The following OR2L13 variants were observed in gnomAD, a reference collection of about 807,000 sequenced individuals.
OR2L13 encodes the protein olfactory receptor family 2 subfamily L member 13.
A neutral mutation model predicts 15.3 loss-of-function variants in OR2L13; 14 were observed. The ratio of observed to expected loss-of-function variants is 0.91; its 90% CI spans 0.60 to 1.43. OR2L13 has a LOEUF of 1.43. OR2L13 is among the 40% of genes most tolerant of loss of function. The pLI is 0.00. For synonymous variants in OR2L13, 152 were observed against 142.9 expected, an observed-to-expected ratio of 1.06 and a Z score of -0.45; for missense variants, 367 against 387.9, an observed-to-expected ratio of 0.95 and a Z score of 0.45.
At chr1:247,993,755 GA>G in the OR2L13 span, among the ~76,000 whole-genome samples, 2 of 51,916 alleles carry the variant, frequency 3.9e-5, no homozygotes, top group East Asian at 7.1e-4. Context: ...AAGAGACAGA[GA>G]GAGGGGGAGA....
the OR2L13 span, chr1:247,975,023 G>T: frequency 1.8e-4 from 58 of 318,282 alleles, no homozygotes; most frequent in African/African-American, 1.1e-3. Flanking sequence ...TTCCTTCATT[G>T]GGTGTGGAAT....
At chr1:247,988,465 ATTC>A in the OR2L13 span, among the ~76,000 whole-genome samples, 1,197 of 152,192 alleles carry the variant, frequency 7.9e-3, 10 homozygotes, top group Admixed American at 0.013. Flanking sequence ...AAAGATAGGA[ATTC>A]TTATTTTTAA....
chr1:248,081,324 T>C, the OR2L13 span, among the ~76,000 whole-genome samples: 11 of 152,194 alleles, frequency 7.2e-5, no homozygotes, highest in African/African-American at 2.4e-4. Flanking sequence ...TTTCTATTTT[T>C]ATAGGTATTT....
At chr1:248,076,238 TG>T in the OR2L13 span, among the ~76,000 whole-genome samples, 1 of 152,192 alleles carries the variant, frequency 6.6e-6, no homozygotes, top group South Asian at 2.1e-4. Context: ...CGTGCTGCTT[TG>T]GTTACTGTAG....
the OR2L13 span, among the ~76,000 whole-genome samples, chr1:248,018,170 A>T: frequency 6.6e-6 from 1 of 151,876 alleles, no homozygotes; most frequent in Non-Finnish European, 1.5e-5. Flanking sequence ...TAAAAAAAAA[A>T]ATTCGTTATT....
chr1:247,945,326 A>C, the OR2L13 span, among the ~76,000 whole-genome samples: 1 of 152,052 alleles, frequency 6.6e-6, no homozygotes, highest in African/African-American at 2.4e-5. Flanking sequence ...TTTGAGGGAT[A>C]TTTTAATCTT....
the OR2L13 span, among the ~76,000 whole-genome samples, chr1:248,074,245 G>C: frequency 6.6e-6 from 1 of 151,962 alleles, no homozygotes; most frequent in Non-Finnish European, 1.5e-5. Context: ...TTATTCTCTA[G>C]GTAATGGCAT....
the OR2L13 span, among the ~76,000 whole-genome samples, chr1:247,979,957 T>C: frequency 6.6e-6 from 1 of 152,202 alleles, no homozygotes; most frequent in African/African-American, 2.4e-5. Flanking sequence ...CATACACTTG[T>C]ATAAAAACAT....
the OR2L13 span, chr1:247,997,071 C>G: frequency 6.6e-6 from 1 of 152,156 alleles, no homozygotes; most frequent in East Asian, 1.9e-4. Flanking sequence ...CTTTCCACTC[C>G]CACTGCTTCA....
chr1:248,007,448 TC>T, the OR2L13 span, among the ~76,000 whole-genome samples: 4 of 152,172 alleles, frequency 2.6e-5, no homozygotes, highest in African/African-American at 7.2e-5. Flanking sequence ...GCCACTCCTT[TC>T]CCCTTATGGT....
the OR2L13 span, among the ~76,000 whole-genome samples, chr1:248,079,158 T>G: frequency 6.6e-6 from 1 of 152,176 alleles, no homozygotes; most frequent in Non-Finnish European, 1.5e-5. Context: ...TTGAATGAGT[T>G]AATAGTATTC....
the OR2L13 span, chr1:248,038,154 C>T: frequency 1.4e-6 from 1 of 727,178 alleles, no homozygotes. Flanking sequence ...AGTATCAACC[C>T]CAGTTTCAGG....
chr1:247,981,387 A>G, the OR2L13 span, among the ~76,000 whole-genome samples: 1 of 152,222 alleles, frequency 6.6e-6, no homozygotes, highest in African/African-American at 2.4e-5. Flanking sequence ...TTTAAAATAA[A>G]GGACCCTCTT....
the OR2L13 span, among the ~76,000 whole-genome samples, chr1:247,946,670 A>G: frequency 4.6e-5 from 7 of 152,218 alleles, 1 homozygote; most frequent in South Asian, 1.2e-3. Flanking sequence ...CCTGATTTCT[A>G]TATCCCAAAT....
the OR2L13 span, among the ~76,000 whole-genome samples, chr1:248,068,698 C>A: frequency 2.6e-5 from 4 of 152,052 alleles, no homozygotes; most frequent in African/African-American, 7.2e-5. Flanking sequence ...GAAATTCAAA[C>A]CAAGGGCAAA....
At chr1:248,094,870 A>G (rs2103194283), upstream of OR2L13, among the ~76,000 whole-genome samples, 1 of 152,314 alleles carries the variant, frequency 6.6e-6, no homozygotes, top group Non-Finnish European at 1.5e-5. Context: ...GGAATTCTCT[A>G]ACTTACATGA....
At chr1:248,045,862 T>C in the OR2L13 span, 1 of 152,200 alleles carries the variant, frequency 6.6e-6, no homozygotes, top group Non-Finnish European at 1.5e-5. Context: ...CCTTCTCCAC[T>C]GCCACTGCTT....
the OR2L13 span, among the ~76,000 whole-genome samples, chr1:248,000,284 G>T: frequency 6.6e-6 from 1 of 151,994 alleles, no homozygotes; most frequent in African/African-American, 2.4e-5. Context: ...GTAGAAAACT[G>T]CAGAATCTGA....
chr1:248,076,775 A>G, the OR2L13 span, among the ~76,000 whole-genome samples: 1 of 152,206 alleles, frequency 6.6e-6, no homozygotes, highest in Non-Finnish European at 1.5e-5. Flanking sequence ...ATATACATTC[A>G]TGTTATCTGC....
Sources: gnomAD v4.1 joint callset for allele counts (sites outside exome capture counted in the v4.1 genomes callset) on GRCh38, gnomAD v4.1.1 for gene constraint, MANE v1.5 for transcripts, NCBI Gene and HGNC (gene_info 2026-07-23, HGNC 2026-07-21) for gene names.